Variants in TEX12 observed in about 807,000 individuals in gnomAD.
The protein encoded by TEX12 is testis-expressed protein 12.
In TEX12, 7 loss-of-function variants were observed where a neutral mutation model predicts 14.6. That is an observed-to-expected ratio of 0.48 (90% CI 0.27 to 0.90). The LOEUF is 0.90. TEX12 is among the 40% of genes least tolerant of loss of function. The pLI is 0.12. For missense variants in TEX12, 121 were observed against 135.7 expected, an observed-to-expected ratio of 0.89 and a Z score of 0.54; for synonymous variants, 57 against 49.1, an observed-to-expected ratio of 1.16 and a Z score of -0.67.
At chr11:112,171,702 G>C in intron 4 of TEX12, 70 bp from the exon 5 acceptor site, 1 of 945,488 alleles carries the variant, frequency 1.1e-6, no homozygotes, top group Non-Finnish European at 1.5e-6. Context: ...CAAATATTGT[G>C]TAATGAAGAA....
In TEX12 at chr11:112,171,938, G is replaced by A. The variant is rs1244593224; in HGVS notation, c.*22G>A. 1.4e-6 allele frequency: 2 copies of A among 1,424,818 alleles called. No homozygotes were observed. The highest frequency in any genetic ancestry group is 9.3e-7 in the Non-Finnish European group (1 of 1,079,542). The allele number at this position is 1,424,818 out of a possible 1,614,324, so 88.3% of individuals were successfully genotyped here. A position where few individuals can be genotyped will look rare whatever the true frequency, so the allele number is the denominator to read the frequency against. ...ATAAAATATATACTTGAAATAAGCT[G>A]AGAATTTAAACCTATTATTGTTATA... On this transcript the variant is annotated 3_prime_UTR_variant, in exon 5 of 5. Transcript: ENST00000280358.
Position 112,169,480 on chromosome 11 carries a change from A to G in TEX12, c.63+149A>G, listed in dbSNP as rs1163544432. 80 of 616,900 alleles carry G rather than the reference A, an allele frequency of 1.3e-4. 1 individual carries two copies. In the East Asian group the frequency reaches 2.2e-3, roughly 17 times the overall value. 38.2% of individuals were successfully genotyped at this position (616,900 alleles called of 1,614,324 possible). A position where few individuals can be genotyped will look rare whatever the true frequency, so the allele number is the denominator to read the frequency against. On this transcript the variant is annotated intron_variant, in intron 2 of 4. Transcript: ENST00000280358. Reference sequence around the variant, plus strand: ...ATTGTCCTACAACATAGGAGGAACTATGTTGATTCCAGCTGCTTTTTCACT... The same window carrying G: ...ATTGTCCTACAACATAGGAGGAACTGTGTTGATTCCAGCTGCTTTTTCACT...
chr11:112,171,641 T>G (rs1009646923), intron 4 of TEX12, 131 bp from the exon 5 acceptor site: 1 of 570,168 alleles, frequency 1.8e-6, no homozygotes. Flanking sequence ...AGAGTATTAG[T>G]AAATTAATGA....
Position 112,169,284 on chromosome 11 carries a change from C to G in TEX12, c.16C>G (p.Leu6Val). 1 of 1,613,830 alleles carries G rather than the reference C, an allele frequency of 6.2e-7. No individual in the cohort carries two copies. Among genetic ancestry groups the G allele is most frequent in the Non-Finnish European group, 8.5e-7 (1 of 1,179,754 alleles). Reference protein sequence around the residue: MMANHLVKPDNRNCKR... With the variant: MMANHVVKPDNRNCKR... ...CCTTCGGAATATGATGGCAAATCAC[C>G]TTGTAAAGCCTGATAATAGAAATTG... Residue 6 changes from leucine (L) to valine (V), a missense_variant, in exon 2 of 5, where the codon CTT (leucine) becomes GTT (valine). Transcript: ENST00000280358.
At chr11:112,171,731 T>G (rs771473621) in intron 4 of TEX12, 41 bp from the exon 5 acceptor site, 16 of 1,247,574 alleles carry the variant, frequency 1.3e-5, no homozygotes, top group African/African-American at 4.6e-5. Context: ...TGATGTTGTT[T>G]ATATCTACTT....
chr11:112,167,875 G>T (rs935723917), intron 1 of TEX12, among the ~76,000 whole-genome samples: 1 of 152,142 alleles, frequency 6.6e-6, no homozygotes, highest in Admixed American at 6.5e-5. Flanking sequence ...TACTTGGGGA[G>T]AGAAGAGAAG....
At chr11:112,171,583 C>T (rs759601549) in intron 4 of TEX12, among the ~76,000 whole-genome samples, 189 bp from the exon 5 acceptor site, 1 of 151,654 alleles carries the variant, frequency 6.6e-6, no homozygotes, top group Non-Finnish European at 1.5e-5. Flanking sequence ...TGTCAGGAGA[C>T]CTTTTTGAGT....
At chr11:112,170,370 C>G in intron 2 of TEX12, 49 bp from the exon 3 acceptor site, 6 of 1,266,874 alleles carry the variant, frequency 4.7e-6, no homozygotes, top group Non-Finnish European at 6.7e-6. Flanking sequence ...ATGTATATGT[C>G]CTGAAGATCT....
In TEX12 at chr11:112,171,932, T is replaced by A. The variant is rs375515453; in HGVS notation, c.*16T>A. ...ACACAGATAAAATATATACTTGAAA[T>A]AAGCTGAGAATTTAAACCTATTATT... On this transcript the variant is annotated 3_prime_UTR_variant, in exon 5 of 5. Transcript: ENST00000280358. The A allele has an allele frequency of 4.9e-5, 71 of 1,442,916 alleles. No individual in the cohort carries two copies. The African/African-American group carries it at 8.9e-4, about 18-fold the overall frequency. The allele number at this position is 1,442,916 out of a possible 1,614,324, so 89.4% of individuals were successfully genotyped here. A position where few individuals can be genotyped will look rare whatever the true frequency, so the allele number is the denominator to read the frequency against.
intron 1 of TEX12, among the ~76,000 whole-genome samples, chr11:112,168,137 C>T (rs1320988031): frequency 6.6e-6 from 1 of 152,174 alleles, no homozygotes; most frequent in Non-Finnish European, 1.5e-5. Context: ...CTCTTTCTGT[C>T]TTCTATATAT....
intron 2 of TEX12, 113 bp from the exon 3 acceptor site, chr11:112,170,306 G>A (rs1003473356): frequency 2.9e-6 from 2 of 682,806 alleles, no homozygotes; most frequent in African/African-American, 3.6e-5. Flanking sequence ...ATGCTTTCTA[G>A]CATGTTTGCC....
intron 1 of TEX12, among the ~76,000 whole-genome samples, chr11:112,168,020 A>G (rs944746651): frequency 6.6e-6 from 1 of 152,230 alleles, no homozygotes; most frequent in African/African-American, 2.4e-5. Context: ...TCTAGATACT[A>G]TTAATACTAT....
chr11:112,168,982 G>A (rs1483466941), intron 1 of TEX12, among the ~76,000 whole-genome samples: 1 of 152,174 alleles, frequency 6.6e-6, no homozygotes, highest in Non-Finnish European at 1.5e-5. Context: ...AGATAATACA[G>A]GACCTTGAAG....
intron 2 of TEX12, among the ~76,000 whole-genome samples, chr11:112,169,704 T>C (rs1866768740): frequency 1.3e-5 from 2 of 152,242 alleles, no homozygotes; most frequent in Admixed American, 6.5e-5. Flanking sequence ...CCCCCACCAG[T>C]TGATCTTTTG....
intron 2 of TEX12, among the ~76,000 whole-genome samples, chr11:112,170,096 C>T (rs1205234083): frequency 1.3e-5 from 2 of 152,216 alleles, no homozygotes; most frequent in Admixed American, 1.3e-4. Flanking sequence ...AGGAGGATCA[C>T]TTGAATCTAG....
At position 112,169,239 on chromosome 11, in the gene TEX12, T is replaced by G; in HGVS notation, c.-16-14T>G. On this transcript the variant is annotated splice_polypyrimidine_tract_variant and intron_variant, in intron 1 of 4. Coordinates refer to ENST00000280358, the MANE Select transcript of TEX12 (RefSeq NM_031275.4). ...AGTTTGTACCTAAATCTGGCATTGTTCTAAGCTTTGTAGCTGGTGCCTTCG... is the reference window on the plus strand; with the variant it reads ...AGTTTGTACCTAAATCTGGCATTGTGCTAAGCTTTGTAGCTGGTGCCTTCG... 2 of 1,598,930 alleles carry G rather than the reference T, an allele frequency of 1.3e-6. No homozygotes were observed. The highest frequency in any genetic ancestry group is 1.7e-6 in the Non-Finnish European group (2 of 1,166,126).
chr11:112,170,469 A>C lies in TEX12; in HGVS notation c.114A>C (p.Ser38=), dbSNP rs753798548. ...TGTCCTCTCTTGGAAAATCAGATTC[A>C]TCTTTCTCTGAAATTTCCGGACTAT... ...PQLSSLGKSD[S]SFSEISGLFY... The change falls in exon 3 of 5, where the codon TCA becomes TCC. Residue 38 remains serine, a synonymous_variant. Transcript: ENST00000280358. 10 of 1,613,770 alleles carry C rather than the reference A, an allele frequency of 6.2e-6. No homozygotes were observed. The South Asian group carries it at 7.7e-5, about 12-fold the overall frequency.
chr11:112,168,551 G>T (rs1372832903), intron 1 of TEX12, among the ~76,000 whole-genome samples: 2 of 151,918 alleles, frequency 1.3e-5, no homozygotes, highest in Non-Finnish European at 1.5e-5. Flanking sequence ...GAAGATAGAA[G>T]AATCCTTTTT....
chr11:112,168,110 A>T (rs360713), intron 1 of TEX12, among the ~76,000 whole-genome samples: 147,002 of 152,348 alleles, frequency 0.96, 70,984 homozygotes, highest in East Asian at 1. Flanking sequence ...AACAAGCATC[A>T]TTCAAATTTG....
Sources: allele counts gnomAD v4.1 joint callset (sites outside exome capture counted in the v4.1 genomes callset), GRCh38; gene constraint gnomAD v4.1.1; transcripts MANE v1.5; gene names NCBI Gene and HGNC (gene_info 2026-07-23, HGNC 2026-07-21).